The following NHSL2 variants were observed in gnomAD, a reference collection of about 807,000 sequenced individuals.
The protein encoded by NHSL2 is NHS-like protein 2.
NHSL2 carries 27 observed loss-of-function variants against 53.4 expected under a neutral mutation model. The ratio of observed to expected loss-of-function variants is 0.51; its 90% CI spans 0.37 to 0.70. The LOEUF (loss-of-function observed/expected upper bound fraction) is 0.70, where lower values mean the gene tolerates loss of function less well. NHSL2 is among the 30% of genes least tolerant of loss of function. The pLI, the probability that NHSL2 is intolerant of heterozygous loss-of-function variation, is 0.00. For missense variants in NHSL2, 892 were observed against 980.1 expected (o/e 0.91, Z 1.20); for synonymous variants, 408 against 404.1 (o/e 1.01, Z -0.12).
At chrX:71,920,040 C>A (rs2041649390) in intron 1 of NHSL2, among the ~76,000 whole-genome samples, 1 of 112,562 alleles carries the variant, frequency 8.9e-6, no homozygotes, top group Admixed American at 9.4e-5. Flanking sequence ...GGGGCCTAAG[C>A]GTGTTTCAGT....
At chrX:72,108,549 C>T (rs1211740230) in intron 1 of NHSL2, among the ~76,000 whole-genome samples, 1 of 113,166 alleles carries the variant, frequency 8.8e-6, no homozygotes, top group Non-Finnish European at 1.9e-5. Context: ...AGCCTTCGCT[C>T]TGCTGCCTGG....
chrX:72,088,163 A>G (rs752793280), intron 1 of NHSL2, among the ~76,000 whole-genome samples: 173 of 111,893 alleles, frequency 1.5e-3, no homozygotes, highest in African/African-American at 5.3e-3. Context: ...CCCGGGAGGC[A>G]GAGGTTGTGG....
intron 1 of NHSL2, among the ~76,000 whole-genome samples, chrX:72,097,255 T>A (rs1477110861): frequency 1.8e-5 from 2 of 111,910 alleles, no homozygotes; most frequent in African/African-American, 6.5e-5. Flanking sequence ...CAAACTTAAG[T>A]TTCATAACAG....
intron 1 of NHSL2, among the ~76,000 whole-genome samples, chrX:72,094,830 T>A (rs749436733): frequency 1.8e-4 from 20 of 112,007 alleles, no homozygotes; most frequent in Non-Finnish European, 3.8e-4. Context: ...TTGAACCACA[T>A]GTGAGGAGTA....
intron 1 of NHSL2, among the ~76,000 whole-genome samples, chrX:72,036,027 C>G (rs934743225): frequency 1.8e-5 from 2 of 111,859 alleles, no homozygotes; most frequent in African/African-American, 3.3e-5. Flanking sequence ...CTGCATGCTC[C>G]TTATGAGAAC....
intron 1 of NHSL2, among the ~76,000 whole-genome samples, chrX:71,960,959 GT>G (rs2041864883): frequency 8.9e-6 from 1 of 112,106 alleles, no homozygotes; most frequent in Admixed American, 9.4e-5. Context: ...TTTGTAGATT[GT>G]TTTCGGTAGT....
At chrX:71,931,976 AT>A in intron 1 of NHSL2, among the ~76,000 whole-genome samples, 1 of 112,088 alleles carries the variant, frequency 8.9e-6, no homozygotes, top group African/African-American at 3.2e-5. Context: ...ATCCACATTC[AT>A]TTTTTCTTTC....
Position 72,144,687 on chromosome X carries a change from T to A in NHSL2, c.*1113T>A, listed in dbSNP as rs2042448784. 1 of 360,654 alleles carries A rather than the reference T, an allele frequency of 2.8e-6. No individual in the cohort carries two copies. The allele number at this position is 360,654 out of a possible 1,213,427, so 29.7% of individuals were successfully genotyped here. ...AAAATCTAAAAGGCAGTCTTGCCAG[T>A]TGCTATGGCCCATAATGCACACACA... On this transcript the variant is annotated 3_prime_UTR_variant, in exon 8 of 8. Coordinates refer to ENST00000633930, the MANE Select transcript of NHSL2 (RefSeq NM_001013627.3).
At position 71,910,990 on chromosome X, in the gene NHSL2, T is replaced by C; in HGVS notation, c.-98T>C. 3 of 697,126 alleles carry C rather than the reference T, an allele frequency of 4.3e-6. No individual in the cohort carries two copies. The highest frequency in any genetic ancestry group is 5.5e-6 in the Non-Finnish European group (3 of 543,443). The allele number at this position is 697,126 out of a possible 1,213,427, so 57.5% of individuals were successfully genotyped here. ...CCCAGGGGCCTGCTACACCCGGAGC[T>C]GGGGCCGCCGCTCAGGGGCGCTCGG... On this transcript the variant is annotated 5_prime_UTR_variant, in exon 1 of 8. Transcript: ENST00000633930.
At chrX:72,116,084 T>A (rs1452083404) in intron 1 of NHSL2, among the ~76,000 whole-genome samples, 1 of 111,760 alleles carries the variant, frequency 8.9e-6, no homozygotes, top group Admixed American at 9.4e-5. Flanking sequence ...ATAGTAACTG[T>A]GATGTCGGAC....
At chrX:72,052,580 C>G (rs2042347034) in intron 1 of NHSL2, among the ~76,000 whole-genome samples, 1 of 111,967 alleles carries the variant, frequency 8.9e-6, no homozygotes, top group African/African-American at 3.2e-5. Flanking sequence ...GAGTAAGGAC[C>G]TGGCTACATT....
intron 1 of NHSL2, among the ~76,000 whole-genome samples, chrX:72,104,481 G>A (rs184706513): frequency 2.7e-5 from 3 of 111,305 alleles, no homozygotes; most frequent in East Asian, 2.8e-4. Flanking sequence ...TCAGGAAATC[G>A]GCCTCATTTG....
At chrX:72,030,532 C>T (rs758127041) in intron 1 of NHSL2, among the ~76,000 whole-genome samples, 3 of 111,323 alleles carry the variant, frequency 2.7e-5, no homozygotes, top group Admixed American at 9.5e-5. Context: ...CTGTGTGTAA[C>T]CACCACCCAG....
intron 1 of NHSL2, among the ~76,000 whole-genome samples, chrX:71,949,984 G>A (rs903842341): frequency 1.8e-5 from 2 of 113,420 alleles, no homozygotes; most frequent in Non-Finnish European, 3.7e-5. Flanking sequence ...ACGGTTGGCA[G>A]CAGGAGGCCC....
At chrX:72,106,069 C>T (rs534508700) in intron 1 of NHSL2, among the ~76,000 whole-genome samples, 1 of 110,854 alleles carries the variant, frequency 9.0e-6, no homozygotes. Context: ...ATTAGCCGGG[C>T]GAGGTGGCGG....
intron 1 of NHSL2, among the ~76,000 whole-genome samples, chrX:72,008,914 T>C (rs1340299792): frequency 8.9e-6 from 1 of 111,800 alleles, no homozygotes; most frequent in Non-Finnish European, 1.9e-5. Flanking sequence ...AGTGTGAGCA[T>C]GTCAGTATCT....
intron 1 of NHSL2, among the ~76,000 whole-genome samples, chrX:72,101,527 C>T (rs2041993860): frequency 9.1e-6 from 1 of 110,475 alleles, no homozygotes; most frequent in African/African-American, 3.3e-5. Context: ...AGGTGGCGGT[C>T]GCATGCCCAC....
chrX:72,130,745 A>G, intron 1 of NHSL2: 1 of 1,211,877 alleles, frequency 8.3e-7, no homozygotes. Context: ...TCATCCCAAG[A>G]CAAGAATTGG....
intron 1 of NHSL2, among the ~76,000 whole-genome samples, chrX:71,959,218 C>T (rs1490429953): frequency 1.8e-5 from 2 of 112,110 alleles, no homozygotes; most frequent in Non-Finnish European, 3.8e-5. Flanking sequence ...TGGCTCTTGC[C>T]TGCCCAGGGT....
Sources: allele counts gnomAD v4.1 joint callset (sites outside exome capture counted in the v4.1 genomes callset), GRCh38; gene constraint gnomAD v4.1.1; transcripts MANE v1.5; gene names NCBI Gene and HGNC (gene_info 2026-07-23, HGNC 2026-07-21).